The following DHRS3 variants were observed in gnomAD, a reference collection of about 807,000 sequenced individuals.
DHRS3 encodes the protein short-chain dehydrogenase/reductase 3.
DHRS3 carries 14 observed loss-of-function variants against 27.2 expected under a neutral mutation model. The ratio of observed to expected loss-of-function variants is 0.52; its 90% confidence interval spans 0.34 to 0.81. The LOEUF is 0.81. Ranked by LOEUF, DHRS3 falls within the 30% of genes least tolerant of loss-of-function variation. The pLI is 0.01. For missense variants in DHRS3, 322 were observed against 406.2 expected (o/e 0.79, Z 1.78); for synonymous variants, 165 against 175.9 (o/e 0.94, Z 0.49).
chr1:12,617,252 G>A lies in DHRS3; in HGVS notation c.97C>T (p.Leu33=), dbSNP rs1338916960. 1.2e-6 allele frequency: 2 copies of A among 1,613,812 alleles called. No homozygotes were observed. The highest frequency in any genetic ancestry group is 1.7e-6 in the Non-Finnish European group (2 of 1,179,988). Residue 33 remains leucine (L), a synonymous_variant, in exon 1 of 6, where the codon CTG becomes TTG. Transcript: ENST00000616661. ...AAVGLVLPAK[L]RDLSRENVLI... ...ACGTTCTCCCGCGACAGGTCCCGCA[G>A]CTTGGCGGGCAGCACCAGTCCGACG...
rs1306655445 is a variant in DHRS3, at chr1:12,578,277, G to C, written c.698+441C>G. Among the ~76,000 whole-genome samples the C allele has an allele frequency of 1.3e-5, 2 of 152,156 alleles. No individual in the cohort carries two copies. The highest frequency in any genetic ancestry group is 4.8e-5 in the African/African-American group (2 of 41,426). ...CACTGCCTTGCAGACCGAGAACCAGGTAAGACAGCGTCAAACAGAGGGTAG... is the reference window on the plus strand; with the variant it reads ...CACTGCCTTGCAGACCGAGAACCAGCTAAGACAGCGTCAAACAGAGGGTAG... On this transcript the variant is annotated intron_variant, in intron 4 of 5. Coordinates refer to ENST00000616661, the MANE Select transcript of DHRS3 (RefSeq NM_004753.7). This position sits in a 1 kb window ranked among gnomAD's most constrained non-coding sequence, Gnocchi z 4.5.
chr1:12,576,437 C>G (rs1646589210), intron 4 of DHRS3, among the ~76,000 whole-genome samples: 1 of 152,074 alleles, frequency 6.6e-6, no homozygotes, highest in Admixed American at 6.5e-5. Flanking sequence ...TGGTGGGCAC[C>G]TGTAGTCCCA....
intron 3 of DHRS3, 74 bp from the exon 4 acceptor site, chr1:12,579,030 C>T: frequency 7.1e-7 from 1 of 1,400,676 alleles, no homozygotes; most frequent in Non-Finnish European, 9.8e-7. Flanking sequence ...TCGGGGAGAA[C>T]AGCCCACCCC....
intron 1 of DHRS3, among the ~76,000 whole-genome samples, chr1:12,583,812 T>G (rs1339003531): frequency 6.7e-6 from 1 of 149,006 alleles, no homozygotes; most frequent in Admixed American, 6.6e-5. Flanking sequence ...CCATCCCTCA[T>G]CTACCCTACT....
rs886190174 is a variant in DHRS3 at position 12,617,852 on chromosome 1, G to A, written c.-504C>T. 1 of 6,142 alleles carries A rather than the reference G, an allele frequency of 1.6e-4. No homozygotes were observed. Among genetic ancestry groups the A allele is most frequent in the African/African-American group, 7.6e-4 (1 of 1,312 alleles). 0.4% of individuals were successfully genotyped at this position (6,142 alleles called of 1,614,324 possible). ...ATTGTAGCGCCCCCACCCCCACCCCGTCTCCAGAAAAAAAAAAAAAAAAAA... is the reference window on the plus strand; with the variant it reads ...ATTGTAGCGCCCCCACCCCCACCCCATCTCCAGAAAAAAAAAAAAAAAAAA... On this transcript the variant is annotated 5_prime_UTR_variant, in exon 1 of 6. It adds an upstream start codon to the 5' untranslated region. Coordinates refer to ENST00000616661, the MANE Select transcript of DHRS3 (RefSeq NM_004753.7).
chr1:12,569,539 C>T (rs1030376201), intron 5 of DHRS3, among the ~76,000 whole-genome samples: 1 of 152,016 alleles, frequency 6.6e-6, no homozygotes, highest in Non-Finnish European at 1.5e-5. Flanking sequence ...TCCAACTATA[C>T]TCTTTTAGTT....
rs1646551498 is a variant in DHRS3 at position 12,572,854 on chromosome 1, C to T, written c.699-1G>A. ...CAGTGGGGGAAAGAGGTTGGGAAAC[C>T]TGAACACAGGAAGAGACACAGTGGG... is the stretch of plus-strand genomic sequence containing the variant. On this transcript the variant is annotated splice_acceptor_variant, in intron 4 of 5. Coordinates refer to ENST00000616661, the MANE Select transcript of DHRS3 (RefSeq NM_004753.7). LOFTEE classifies it high-confidence loss of function. The T allele has an allele frequency of 1.3e-6, 2 of 1,596,528 alleles. No individual in the cohort carries two copies. Among genetic ancestry groups the T allele is most frequent in the Non-Finnish European group, 1.7e-6 (2 of 1,171,716 alleles).
chr1:12,578,604 G>T lies in DHRS3; in HGVS notation c.698+114C>A. 9.5e-7 allele frequency: 1 copy of T among 1,050,476 alleles called. No individual in the cohort carries two copies. Among genetic ancestry groups the T allele is most frequent in the Non-Finnish European group, 1.4e-6 (1 of 695,258 alleles). 65.1% of individuals were successfully genotyped at this position (1,050,476 alleles called of 1,614,324 possible). ...AAAATGCTAGGATTATAGGTATGAG[G>T]CACCGTGCCTAGCCCGATTTTTATA... On this transcript the variant is annotated intron_variant, in intron 4 of 5. Coordinates refer to ENST00000616661, the MANE Select transcript of DHRS3 (RefSeq NM_004753.7). The surrounding 1 kb of genome is among the most constrained non-coding windows in gnomAD (Gnocchi z 4.5).
intron 1 of DHRS3, among the ~76,000 whole-genome samples, chr1:12,614,473 T>A (rs1646930586): frequency 6.6e-6 from 1 of 151,796 alleles, no homozygotes; most frequent in African/African-American, 2.4e-5. Context: ...AGGAGAGATG[T>A]GTCCGGAGCT....
In DHRS3 at chr1:12,568,316, C is replaced by T. The variant is rs1356375998; in HGVS notation, c.*24G>A. 1.9e-6 allele frequency: 3 copies of T among 1,611,256 alleles called. No homozygotes were observed. Among genetic ancestry groups the T allele is most frequent in the Admixed American group, 1.7e-5 (1 of 59,992 alleles). On this transcript the variant is annotated 3_prime_UTR_variant, in exon 6 of 6. Coordinates refer to ENST00000616661, the MANE Select transcript of DHRS3 (RefSeq NM_004753.7). The stretch of plus-strand genomic sequence containing the variant: ...CTGTGGCCCCCAAACTCCGTGGCTC[C>T]TCAAGCATGTCTTCATCCTGTCTCT...
rs72871187 is a variant in DHRS3 at position 12,580,311 on chromosome 1, G to C, written c.339+212C>G. The C allele has an allele frequency of 3.8e-3, 2,325 of 619,922 alleles. 46 individuals are homozygous for C. In the African/African-American group the frequency reaches 0.038, roughly 10 times the overall value. The allele number at this position is 619,922 out of a possible 1,614,324, so 38.4% of individuals were successfully genotyped here. On this transcript the variant is annotated intron_variant, in intron 2 of 5. Coordinates refer to ENST00000616661, the MANE Select transcript of DHRS3 (RefSeq NM_004753.7). Reference sequence around the variant, plus strand: ...ACCCACACGGTCTACATTTCCAAGGGAACAACAGATGATTACGCCTGTTAC... The same window carrying C: ...ACCCACACGGTCTACATTTCCAAGGCAACAACAGATGATTACGCCTGTTAC...
chr1:12,597,239 G>C (rs1646805137), intron 1 of DHRS3, among the ~76,000 whole-genome samples: 1 of 152,156 alleles, frequency 6.6e-6, no homozygotes, highest in Non-Finnish European at 1.5e-5. Flanking sequence ...ACCGCACCTG[G>C]CTAATTTTTG....
intron 4 of DHRS3, among the ~76,000 whole-genome samples, chr1:12,573,417 C>A (rs1488783553): frequency 6.6e-6 from 1 of 152,234 alleles, no homozygotes; most frequent in African/African-American, 2.4e-5. Flanking sequence ...TGGGTTGTTT[C>A]CTTGTCAGTG....
intron 1 of DHRS3, among the ~76,000 whole-genome samples, chr1:12,606,961 G>A (rs777579404): frequency 1.3e-5 from 2 of 152,178 alleles, no homozygotes; most frequent in East Asian, 1.9e-4. Context: ...AAAGCAGACC[G>A]ACCAAGAGCA....
At chr1:12,577,165 T>C (rs898919471) in intron 4 of DHRS3, among the ~76,000 whole-genome samples, 2 of 151,984 alleles carry the variant, frequency 1.3e-5, no homozygotes, top group African/African-American at 4.8e-5. Context: ...GTACGCTGGA[T>C]TGCAAAAAAC....
At chr1:12,597,860 C>T in intron 1 of DHRS3, among the ~76,000 whole-genome samples, 1 of 152,196 alleles carries the variant, frequency 6.6e-6, no homozygotes, top group East Asian at 1.9e-4. Context: ...GAGCCTCAAA[C>T]CAAGTGTAGG....
chr1:12,615,952 C>G (rs1316458729), intron 1 of DHRS3, among the ~76,000 whole-genome samples: 2 of 152,346 alleles, frequency 1.3e-5, no homozygotes, highest in East Asian at 1.9e-4. Flanking sequence ...CCACCACAGG[C>G]TCCGGCCAGC....
At chr1:12,616,575 C>G (rs1270982410) in intron 1 of DHRS3, 2 of 986,222 alleles carry the variant, frequency 2.0e-6, no homozygotes, top group Non-Finnish European at 2.4e-6. Context: ...CCTCCTCTTT[C>G]CTGCTTTCCA....
Position 12,578,368 on chromosome 1 carries a change from C to T in DHRS3, c.698+350G>A, listed in dbSNP as rs756270334. Among the ~76,000 whole-genome samples the T allele has an allele frequency of 4.6e-5, 7 of 152,190 alleles. No individual in the cohort carries two copies. Among genetic ancestry groups the T allele is most frequent in the East Asian group, 3.8e-4 (2 of 5,196 alleles). On this transcript the variant is annotated intron_variant, in intron 4 of 5. Coordinates refer to ENST00000616661, the MANE Select transcript of DHRS3 (RefSeq NM_004753.7). This position sits in a 1 kb window ranked among gnomAD's most constrained non-coding sequence, Gnocchi z 4.5. ...TCTCTCTCCCAGGCTGGAGTGCAGT[C>T]GCACAATCACAGCTCACTTGCAGCC...
Sources: gnomAD v4.1 joint callset for allele counts (sites outside exome capture counted in the v4.1 genomes callset) on GRCh38, gnomAD v4.1.1 for gene constraint, Gnocchi (gnomAD v3.1) non-coding constraint, MANE v1.5 for transcripts, NCBI Gene and HGNC (gene_info 2026-07-23, HGNC 2026-07-21) for gene names.